The following DPY19L1 variants were observed in gnomAD, a reference collection of about 807,000 sequenced individuals.
DPY19L1 encodes the protein dpy-19 like C-mannosyltransferase 1.
A neutral mutation model predicts 96.9 loss-of-function variants in DPY19L1; 35 were observed. That is an observed-to-expected ratio of 0.36 (90% confidence interval 0.28 to 0.48). The LOEUF is 0.48. DPY19L1 is among the 20% of genes least tolerant of loss of function. DPY19L1 has a pLI of 0.99. For missense variants in DPY19L1, 521 were observed against 777.9 expected (o/e 0.67, Z 3.93); for synonymous variants, 205 against 252.6 (o/e 0.81, Z 1.79).
chr7:34,951,154 T>A (rs1784259393), intron 13 of DPY19L1, among the ~76,000 whole-genome samples: 1 of 152,014 alleles, frequency 6.6e-6, no homozygotes, highest in Non-Finnish European at 1.5e-5. Context: ...AAAATATGGA[T>A]TCAAAGTACA....
chr7:34,961,470 C>T (rs1213924578), intron 10 of DPY19L1, among the ~76,000 whole-genome samples: 1 of 152,140 alleles, frequency 6.6e-6, no homozygotes, highest in Non-Finnish European at 1.5e-5. Context: ...AGACATAAGA[C>T]TTTACACCCT....
intron 1 of DPY19L1, among the ~76,000 whole-genome samples, chr7:35,029,510 G>T (rs1407890158): frequency 1.3e-5 from 2 of 152,086 alleles, no homozygotes; most frequent in Non-Finnish European, 2.9e-5. Flanking sequence ...CATTCCAATG[G>T]TAAGATATGC....
chr7:34,939,372 G>C lies in DPY19L1; in HGVS notation c.1868C>G (p.Ala623Gly), dbSNP rs1253792542. The change falls in exon 20 of 22, where the codon GCA becomes GGA. Residue 623 changes from alanine to glycine, a missense_variant. Ala to Gly is a moderately conservative substitution (Grantham distance 60). Coordinates refer to ENST00000638088, the MANE Select transcript of DPY19L1 (RefSeq NM_001366673.1). ...EWIKYSTKPD[A>G]VFAGAMPTMA... ...CGTGGGCATGGCACCCGCAAACACTGCATCTGGAAGGCAAGAGGAATGTCT... is the reference window on the plus strand; with the variant it reads ...CGTGGGCATGGCACCCGCAAACACTCCATCTGGAAGGCAAGAGGAATGTCT... The C allele has an allele frequency of 1.9e-6, 3 of 1,613,768 alleles. No homozygotes were observed. The highest frequency in any genetic ancestry group is 2.7e-5 in the African/African-American group (2 of 75,034).
At chr7:34,994,135 G>C (rs1486692240) in intron 6 of DPY19L1, among the ~76,000 whole-genome samples, 2 of 152,122 alleles carry the variant, frequency 1.3e-5, no homozygotes, top group Non-Finnish European at 2.9e-5. Flanking sequence ...GAAATACAAA[G>C]AGAACATGAT....
chr7:34,996,939 A>C (rs569040583), intron 6 of DPY19L1, among the ~76,000 whole-genome samples: 8 of 152,216 alleles, frequency 5.3e-5, no homozygotes, highest in Non-Finnish European at 1.2e-4. Flanking sequence ...GAGCTGATGC[A>C]GAGTCATCCC....
intron 7 of DPY19L1, among the ~76,000 whole-genome samples, chr7:34,983,303 AAC>A (rs1467218461): frequency 1.3e-5 from 2 of 152,188 alleles, no homozygotes; most frequent in African/African-American, 2.4e-5. Context: ...AGAGAAAAAA[AAC>A]AGTCAATGGA....
Position 34,993,622 on chromosome 7 carries a change from G to C in DPY19L1, c.765-3681C>G, listed in dbSNP as rs541651540. On this transcript the variant is annotated intron_variant, in intron 6 of 21. Coordinates refer to ENST00000638088, the MANE Select transcript of DPY19L1 (RefSeq NM_001366673.1). ...CTCCCAACCCTGCCCCCCCACCCAA[G>C]AAAAAATTGTCAGACTTCTGATCAG... Among the ~76,000 whole-genome samples, 23 of 124,906 alleles carry C rather than the reference G, an allele frequency of 1.8e-4. No homozygotes were observed. The South Asian group carries it at 6.4e-3, about 35-fold the overall frequency. The allele number at this position is 124,906 out of a possible 152,430, so 81.9% of individuals were successfully genotyped here.
chr7:35,012,755 C>T lies in DPY19L1; in HGVS notation c.549+813G>A, dbSNP rs115878233. 2.1e-3 allele frequency among the ~76,000 whole-genome samples: 301 copies of T among 141,018 alleles called. 5 individuals carry two copies. Among genetic ancestry groups the T allele is most frequent in the African/African-American group, 7.1e-3 (279 of 39,176 alleles). The allele number at this position is 141,018 out of a possible 152,430, so 92.5% of individuals were successfully genotyped here. A position where few individuals can be genotyped will look rare whatever the true frequency, so the allele number is the denominator to read the frequency against. On this transcript the variant is annotated intron_variant, in intron 4 of 21. Transcript: ENST00000638088. The stretch of plus-strand genomic sequence containing the variant: ...GAAAAAAATACATAGACATCATACA[C>T]AAAGCTAAAGGGCAAACAACTGGGG...
Position 34,952,051 on chromosome 7 carries a change from T to TGA in DPY19L1, c.1321-2154_1321-2153insTC, listed in dbSNP as rs147387248. Among the ~76,000 whole-genome samples the TGA allele has an allele frequency of 5.0e-4, 72 of 143,832 alleles. 1 individual carries two copies. Among genetic ancestry groups the TGA allele is most frequent in the South Asian group, 3.7e-3 (17 of 4,608 alleles). The allele number at this position is 143,832 out of a possible 152,430, so 94.4% of individuals were successfully genotyped here. On this transcript the variant is annotated intron_variant, in intron 13 of 21. Coordinates refer to ENST00000638088, the MANE Select transcript of DPY19L1 (RefSeq NM_001366673.1). ...AAGCCCTAGACTGAGATGGTTAACATTGAATTACTAAACTTTCAAAAAAAA... is the reference window on the plus strand; with the variant it reads ...AAGCCCTAGACTGAGATGGTTAACATGATGAATTACTAAACTTTCAAAAAAAA...
At chr7:34,935,729 G>GA (rs957077279) in intron 21 of DPY19L1, among the ~76,000 whole-genome samples, 5 of 152,168 alleles carry the variant, frequency 3.3e-5, no homozygotes, top group African/African-American at 1.2e-4. Flanking sequence ...AATGGAGAGT[G>GA]AAGGCCAAGG....
intron 16 of DPY19L1, among the ~76,000 whole-genome samples, chr7:34,944,588 A>G (rs1235736319): frequency 6.6e-6 from 1 of 152,118 alleles, no homozygotes; most frequent in South Asian, 2.1e-4. Flanking sequence ...GAGAAGTATA[A>G]TTATCCTATA....
intron 7 of DPY19L1, among the ~76,000 whole-genome samples, chr7:34,987,761 A>C (rs1785081971): frequency 1.3e-5 from 2 of 152,040 alleles, no homozygotes; most frequent in Non-Finnish European, 2.9e-5. Flanking sequence ...TATACTTAAA[A>C]ATCAGAAAAA....
chr7:35,037,676 G>T (rs1190819518), upstream of DPY19L1: 3 of 276,398 alleles, frequency 1.1e-5, no homozygotes, highest in Admixed American at 1.9e-4. Context: ...CGGGGGGCGG[G>T]GGCGGGGACA....
At chr7:35,028,898 T>G (rs1456757488) in intron 1 of DPY19L1, among the ~76,000 whole-genome samples, 1 of 152,190 alleles carries the variant, frequency 6.6e-6, no homozygotes, top group Non-Finnish European at 1.5e-5. Context: ...TAAACTGTCA[T>G]GGCACTGGTG....
intron 1 of DPY19L1, among the ~76,000 whole-genome samples, chr7:35,027,333 A>G (rs1786145820): frequency 1.3e-5 from 2 of 152,168 alleles, no homozygotes; most frequent in Non-Finnish European, 2.9e-5. Context: ...TCCCAGGTGG[A>G]CTGCACAGCT....
chr7:34,944,278 G>A (rs568726235), intron 16 of DPY19L1, among the ~76,000 whole-genome samples: 10 of 147,772 alleles, frequency 6.8e-5, no homozygotes, highest in Admixed American at 2.1e-4. Context: ...CAGACGAATC[G>A]CCTGAACCCG....
chr7:35,009,812 A>T (rs1412029237), intron 6 of DPY19L1, among the ~76,000 whole-genome samples: 1 of 152,222 alleles, frequency 6.6e-6, no homozygotes. Context: ...GACTTCACAC[A>T]TCTCAGCACA....
chr7:34,982,791 TACAC>T (rs749517927), intron 7 of DPY19L1, among the ~76,000 whole-genome samples: 17 of 152,106 alleles, frequency 1.1e-4, no homozygotes, highest in Non-Finnish European at 2.2e-4. Flanking sequence ...CACACAGACA[TACAC>T]ACACATGAAT....
chr7:35,035,754 G>A (rs543764209), intron 1 of DPY19L1, among the ~76,000 whole-genome samples: 1 of 152,246 alleles, frequency 6.6e-6, no homozygotes, highest in South Asian at 2.1e-4. Flanking sequence ...AGCAGAGAAC[G>A]AAAGACTCAC....
Sources: gnomAD v4.1 joint callset for allele counts (sites outside exome capture counted in the v4.1 genomes callset) on GRCh38, gnomAD v4.1.1 for gene constraint, MANE v1.5 for transcripts, NCBI Gene and HGNC (gene_info 2026-07-23, HGNC 2026-07-21) for gene names.